ZNF385D: variants seen among roughly 807,000 people sequenced by gnomAD.
ZNF385D encodes the protein zinc finger protein 385D.
ZNF385D carries 15 observed loss-of-function variants against 35.8 expected under a neutral mutation model. The ratio of observed to expected loss-of-function variants is 0.42; its 90% CI spans 0.28 to 0.64. The LOEUF is 0.64. ZNF385D is among the 30% of genes least tolerant of loss of function. The probability of loss-of-function intolerance (pLI) is 0.23; values close to 1 mark genes in which losing one functional copy is unlikely to be tolerated. For missense variants in ZNF385D, 474 were observed against 494.6 expected (o/e 0.96, Z 0.39); for synonymous variants, 212 against 186.8 (o/e 1.13, Z -1.10).
intron 1 of ZNF385D, among the ~76,000 whole-genome samples, chr3:21,688,440 T>C (rs1238810119): frequency 2.6e-5 from 4 of 152,228 alleles, no homozygotes; most frequent in East Asian, 3.9e-4. Context: ...TTAAAGGTAA[T>C]TAATAATTTA....
chr3:21,502,681 G>C (rs1306077551), intron 4 of ZNF385D, among the ~76,000 whole-genome samples: 2 of 152,058 alleles, frequency 1.3e-5, no homozygotes, highest in African/African-American at 2.4e-5. Flanking sequence ...ATTCAAATAA[G>C]GTTTAGCTTT....
intron 2 of ZNF385D, among the ~76,000 whole-genome samples, chr3:22,316,125 C>T (rs1703872594): frequency 6.6e-6 from 1 of 152,172 alleles, no homozygotes; most frequent in Admixed American, 6.5e-5. Context: ...CTGTGGCCCC[C>T]TCACCCGGAA....
intron 2 of ZNF385D, among the ~76,000 whole-genome samples, chr3:22,201,617 T>C (rs905899063): frequency 4.3e-4 from 66 of 152,136 alleles, no homozygotes; most frequent in African/African-American, 1.4e-3. Flanking sequence ...AACCAAAACA[T>C]TGCCTTGAGA....
intron 3 of ZNF385D, among the ~76,000 whole-genome samples, chr3:21,915,147 T>G (rs1700135770): frequency 6.6e-6 from 1 of 152,024 alleles, no homozygotes; most frequent in South Asian, 2.1e-4. Context: ...TTTTCCTTAC[T>G]GCTCAGAAAC....
At chr3:21,880,874 G>T (rs1482064226) in intron 3 of ZNF385D, among the ~76,000 whole-genome samples, 1 of 151,720 alleles carries the variant, frequency 6.6e-6, no homozygotes, top group African/African-American at 2.4e-5. Flanking sequence ...CTGATACGAA[G>T]AAAGTTTTGG....
chr3:21,451,682 CAGT>C (rs1390033689), intron 4 of ZNF385D, among the ~76,000 whole-genome samples: 5 of 152,018 alleles, frequency 3.3e-5, no homozygotes, highest in African/African-American at 1.2e-4. Flanking sequence ...TTCAAGATAA[CAGT>C]AGCCTCCTAC....
chr3:21,896,615 C>A (rs1272462118), intron 3 of ZNF385D, among the ~76,000 whole-genome samples: 1 of 152,018 alleles, frequency 6.6e-6, no homozygotes, highest in South Asian at 2.1e-4. Flanking sequence ...TTAGGAGGTA[C>A]TTGATTGTGG....
In ZNF385D at chr3:22,093,046, A is replaced by G. The variant is rs139624705; in HGVS notation, c.325+75771T>C. On this transcript the variant is annotated intron_variant, in intron 3 of 5. Transcript: ENST00000494108. ...AGGAAGGTCATAGCTCCCACACCCT[A>G]AAGTGGGACAACGTAGAGTCATAAG... Among the ~76,000 whole-genome samples, 354 of 152,258 alleles carry G rather than the reference A, an allele frequency of 2.3e-3. 1 individual carries two copies. The highest frequency in any genetic ancestry group is 8.0e-3 in the African/African-American group (333 of 41,570).
chr3:21,844,654 A>G lies in ZNF385D; in HGVS notation c.326-179626T>C, dbSNP rs151323424. 2.0e-5 allele frequency among the ~76,000 whole-genome samples: 3 copies of G among 152,142 alleles called. No homozygotes were observed. The East Asian group carries it at 5.8e-4, about 30-fold the overall frequency. ...AAATTCAGTGCATGACATCATTTTT[A>G]AAGTTCACCTGGTGCAAGATGCTTA... On this transcript the variant is annotated intron_variant, in intron 3 of 5. Coordinates refer to the ZNF385D transcript ENST00000494108.
In ZNF385D at chr3:21,438,068, G is replaced by GAT. The variant is rs778850787; in HGVS notation, c.440-867_440-866dup. On this transcript the variant is annotated intron_variant, in intron 4 of 7. Coordinates refer to ENST00000281523, the MANE Select transcript of ZNF385D (RefSeq NM_024697.3). ...TAAAGTCTGATGCTAAATCTGGAGA[G>GAT]ATCAATCTCCAAAGTAAAACTACCC... Among the ~76,000 whole-genome samples the GAT allele has an allele frequency of 9.2e-5, 14 of 152,096 alleles. 1 individual carries two copies. Among genetic ancestry groups the GAT allele is most frequent in the Admixed American group, 2.0e-4 (3 of 15,238 alleles).
At chr3:21,866,095 T>C (rs1439855660) in intron 3 of ZNF385D, among the ~76,000 whole-genome samples, 1 of 152,054 alleles carries the variant, frequency 6.6e-6, no homozygotes, top group African/African-American at 2.4e-5. Context: ...ACACTGTTAA[T>C]TTAACAGGTT....
intron 2 of ZNF385D, among the ~76,000 whole-genome samples, chr3:21,624,226 TAC>T (rs1483724447): frequency 2.6e-5 from 4 of 152,040 alleles, no homozygotes; most frequent in African/African-American, 9.7e-5. Context: ...TTTTGGAAAT[TAC>T]AGTTTGTTCT....
chr3:22,158,769 T>C (rs1389925571), intron 3 of ZNF385D, among the ~76,000 whole-genome samples: 2 of 151,802 alleles, frequency 1.3e-5, no homozygotes, highest in East Asian at 1.9e-4. Flanking sequence ...CCAGGCCTGG[T>C]GTAGATCTAT....
In ZNF385D at chr3:21,886,924, C is replaced by T. The variant is rs150535722; in HGVS notation, c.326-221896G>A. On this transcript the variant is annotated intron_variant, in intron 3 of 5. Coordinates refer to the ZNF385D transcript ENST00000494108. ...ATTACATACTTTCATTCATATGGGT[C>T]GGCCAAATGACTAGAACGTCTGCCA... is the stretch of plus-strand genomic sequence containing the variant. 4.8e-3 allele frequency among the ~76,000 whole-genome samples: 734 copies of T among 152,160 alleles called. 9 individuals carry two copies. Among genetic ancestry groups the T allele is most frequent in the African/African-American group, 0.016 (681 of 41,504 alleles).
At chr3:21,437,855 T>C (rs538554700) in intron 4 of ZNF385D, among the ~76,000 whole-genome samples, 85 of 152,222 alleles carry the variant, frequency 5.6e-4, no homozygotes, top group Non-Finnish European at 8.8e-4. Flanking sequence ...TAGTCTAGCA[T>C]ATCTATTAAA....
At chr3:22,216,717 C>T (rs910239346) in intron 2 of ZNF385D, among the ~76,000 whole-genome samples, 1 of 152,074 alleles carries the variant, frequency 6.6e-6, no homozygotes, top group Non-Finnish European at 1.5e-5. Flanking sequence ...TATACCTCAT[C>T]TTGTTCTAAG....
chr3:21,880,799 G>GA (rs1255021555), intron 3 of ZNF385D, among the ~76,000 whole-genome samples: 1 of 151,790 alleles, frequency 6.6e-6, no homozygotes, highest in Admixed American at 6.6e-5. Flanking sequence ...AAAACTTCTT[G>GA]AAAAAAATGG....
chr3:21,912,019 A>G (rs1175840846), intron 3 of ZNF385D, among the ~76,000 whole-genome samples: 1 of 151,970 alleles, frequency 6.6e-6, no homozygotes, highest in Non-Finnish European at 1.5e-5. Flanking sequence ...TTAAAATTAT[A>G]TTTGAACTAA....
At chr3:22,194,786 T>C (rs1189107962) in intron 2 of ZNF385D, among the ~76,000 whole-genome samples, 1 of 151,910 alleles carries the variant, frequency 6.6e-6, no homozygotes, top group Non-Finnish European at 1.5e-5. Flanking sequence ...TAACTCAGGC[T>C]GATGGTTTTT....
Sources: gnomAD v4.1 joint callset for allele counts (sites outside exome capture counted in the v4.1 genomes callset) on GRCh38, gnomAD v4.1.1 for gene constraint, MANE v1.5 for transcripts, NCBI Gene and HGNC (gene_info 2026-07-23, HGNC 2026-07-21) for gene names.